Variants in PPP3CA observed in about 807,000 individuals in gnomAD.
The protein encoded by PPP3CA is CAM-PRP catalytic subunit.
In PPP3CA, 14 loss-of-function variants were observed where a neutral mutation model predicts 66.5. That is an observed-to-expected ratio of 0.21 (90% confidence interval 0.14 to 0.33). PPP3CA has a LOEUF of 0.33. PPP3CA is among the 10% of genes least tolerant of loss of function. PPP3CA has a pLI of 1.00. For missense variants in PPP3CA, 317 were observed against 639.5 expected (o/e 0.50, Z 5.44); for synonymous variants, 232 against 226.2 (o/e 1.03, Z -0.23).
intron 1 of PPP3CA, among the ~76,000 whole-genome samples, chr4:101,240,255 A>G (rs1206142648): frequency 6.6e-6 from 1 of 152,076 alleles, no homozygotes; most frequent in Non-Finnish European, 1.5e-5. Flanking sequence ...TATATATGCA[A>G]TAGAGTTCCT....
At chr4:101,205,158 T>C (rs1338774513) in intron 1 of PPP3CA, among the ~76,000 whole-genome samples, 1 of 151,986 alleles carries the variant, frequency 6.6e-6, no homozygotes, top group Non-Finnish European at 1.5e-5. Flanking sequence ...AAAAATGCCA[T>C]AGGAGAATAA....
At chr4:101,245,399 T>C (rs910059281) in intron 1 of PPP3CA, among the ~76,000 whole-genome samples, 1 of 152,206 alleles carries the variant, frequency 6.6e-6, no homozygotes, top group Non-Finnish European at 1.5e-5. Context: ...AAACAAGAAT[T>C]GAATTCAGTC....
intron 1 of PPP3CA, among the ~76,000 whole-genome samples, chr4:101,255,935 T>C (rs1726826056): frequency 6.6e-6 from 1 of 151,890 alleles, no homozygotes; most frequent in Non-Finnish European, 1.5e-5. Flanking sequence ...CTCTTCCTCC[T>C]CCATTTTTTA....
At chr4:101,106,450 A>AAAGAAAGAAGG (rs751759518) in intron 3 of PPP3CA, among the ~76,000 whole-genome samples, 1 of 11,094 alleles carries the variant, frequency 9.0e-5, no homozygotes, top group Non-Finnish European at 1.7e-4. Context: ...AGAAAGAAAG[A>AAAGAAAGAAGG]AAGAGAAAAG....
chr4:101,226,765 CCTCTCAGAGTTAAAT>C (rs1189771071), intron 1 of PPP3CA, among the ~76,000 whole-genome samples: 17 of 151,704 alleles, frequency 1.1e-4, no homozygotes, highest in Admixed American at 2.0e-4. Context: ...TTTACAATGG[CCTCTCAGAGTTAAAT>C]CTCTCATGTA....
At chr4:101,105,475 T>TAA (rs200799334) in intron 3 of PPP3CA, among the ~76,000 whole-genome samples, 1 of 141,750 alleles carries the variant, frequency 7.1e-6, no homozygotes, top group Non-Finnish European at 1.5e-5. Flanking sequence ...CATCTTTACT[T>TAA]AAAAAAAAAA....
chr4:101,155,053 G>C (rs1016383249), intron 2 of PPP3CA, among the ~76,000 whole-genome samples: 1 of 152,070 alleles, frequency 6.6e-6, no homozygotes, highest in African/African-American at 2.4e-5. Flanking sequence ...TTGACCTCAT[G>C]ATCTGCCCGC....
chr4:101,038,286 C>A (rs985133620), intron 11 of PPP3CA, among the ~76,000 whole-genome samples: 1 of 152,196 alleles, frequency 6.6e-6, no homozygotes, highest in Admixed American at 6.5e-5. Context: ...TTTATGAACA[C>A]TCCAGTCAGG....
At chr4:101,183,557 A>G (rs1369619412) in intron 2 of PPP3CA, among the ~76,000 whole-genome samples, 1 of 152,172 alleles carries the variant, frequency 6.6e-6, no homozygotes, top group Non-Finnish European at 1.5e-5. Flanking sequence ...CTCTAATGAA[A>G]ACTATCAAAA....
intron 2 of PPP3CA, among the ~76,000 whole-genome samples, chr4:101,147,709 AAC>A (rs1272954419): frequency 6.6e-6 from 1 of 151,182 alleles, no homozygotes; most frequent in African/African-American, 2.4e-5. Flanking sequence ...ACTCTATATA[AAC>A]ACACACACAC....
At chr4:101,058,678 GTAAC>G (rs1728328762) in intron 10 of PPP3CA, among the ~76,000 whole-genome samples, 2 of 152,266 alleles carry the variant, frequency 1.3e-5, no homozygotes, top group South Asian at 2.1e-4. Flanking sequence ...TTAAAATAAA[GTAAC>G]TGACAAAACA....
At position 101,039,520 on chromosome 4, in the gene PPP3CA, G is replaced by A. The variant is rs146813268; in HGVS notation, c.1241+962C>T. Among the ~76,000 whole-genome samples, 6 of 144,602 alleles carry A rather than the reference G, an allele frequency of 4.1e-5. 2 individuals carry two copies. The highest frequency in any genetic ancestry group is 1.9e-4 in the East Asian group (1 of 5,170). 94.9% of individuals were successfully genotyped at this position (144,602 alleles called of 152,430 possible). A position where few individuals can be genotyped will look rare whatever the true frequency, so the allele number is the denominator to read the frequency against. On this transcript the variant is annotated intron_variant, in intron 11 of 13. Transcript: ENST00000394854. ...ATTTTCCGCTTGAACATGGCTGGTC[G>A]TGAATGTGCTGGCTACCACAGAGTT...
chr4:101,045,472 G>C (rs1727722186), intron 10 of PPP3CA, among the ~76,000 whole-genome samples: 1 of 152,150 alleles, frequency 6.6e-6, no homozygotes, highest in Admixed American at 6.5e-5. Context: ...CTGCTTGCAG[G>C]TACAAGAAAA....
intron 6 of PPP3CA, among the ~76,000 whole-genome samples, chr4:101,087,055 A>C (rs1000037151): frequency 6.6e-6 from 1 of 152,154 alleles, no homozygotes; most frequent in African/African-American, 2.4e-5. Flanking sequence ...TTCCAGATCC[A>C]GTAATAGGGA....
Position 101,078,232 on chromosome 4 carries a change from C to G in PPP3CA, c.955+2300G>C, listed in dbSNP as rs188680363. Among the ~76,000 whole-genome samples the G allele has an allele frequency of 1.9e-3, 282 of 152,228 alleles. 1 individual carries two copies. Among genetic ancestry groups the G allele is most frequent in the African/African-American group, 6.6e-3 (274 of 41,558 alleles). On this transcript the variant is annotated intron_variant, in intron 8 of 13. Transcript: ENST00000394854. ...GGTAAATTATAGGATCATGGTGAGA[C>G]TGGGATATACAATATGACTTACTAA... is the stretch of plus-strand genomic sequence containing the variant.
intron 1 of PPP3CA, among the ~76,000 whole-genome samples, chr4:101,293,930 G>T (rs1344466108): frequency 6.6e-6 from 1 of 152,114 alleles, no homozygotes; most frequent in East Asian, 1.9e-4. Context: ...CTAGGAACGG[G>T]CCTGGCAGAA....
intron 6 of PPP3CA, among the ~76,000 whole-genome samples, chr4:101,087,977 T>C (rs1729742450): frequency 6.6e-6 from 1 of 152,150 alleles, no homozygotes; most frequent in Non-Finnish European, 1.5e-5. Context: ...CCTGCAAAAA[T>C]CTTCCCCAAT....
intron 1 of PPP3CA, among the ~76,000 whole-genome samples, chr4:101,215,810 C>A (rs1328322082): frequency 1.3e-5 from 2 of 152,002 alleles, no homozygotes; most frequent in Non-Finnish European, 2.9e-5. Context: ...TTTTAAAACA[C>A]TACTAATCTA....
rs181123946 is a variant in PPP3CA, at chr4:101,262,839, C to A, written c.59-66723G>T. 1.6e-4 allele frequency among the ~76,000 whole-genome samples: 25 copies of A among 152,264 alleles called. No homozygotes were observed. The East Asian group carries it at 4.6e-3, about 28-fold the overall frequency. On this transcript the variant is annotated intron_variant, in intron 1 of 13. Coordinates refer to ENST00000394854, the MANE Select transcript of PPP3CA (RefSeq NM_000944.5). ...CATAGTTAGTGGGCTGGCTACTTTG[C>A]TAAGAAGAAAATTTGTATTAAGCTT...
Sources: allele counts gnomAD v4.1 joint callset (sites outside exome capture counted in the v4.1 genomes callset), GRCh38; gene constraint gnomAD v4.1.1; transcripts MANE v1.5; gene names NCBI Gene and HGNC (gene_info 2026-07-23, HGNC 2026-07-21).